Variants in PALM2AKAP2 observed in about 807,000 individuals in gnomAD.
PALM2AKAP2 encodes the protein PALM2-AKAP2 fusion protein.
In PALM2AKAP2, 37 loss-of-function variants were observed where a neutral mutation model predicts 71.5. The ratio of observed to expected loss-of-function variants is 0.52; its 90% confidence interval spans 0.40 to 0.68. The LOEUF is 0.68. PALM2AKAP2 is among the 30% of genes least tolerant of loss of function. The probability of loss-of-function intolerance (pLI) is 0.00; values close to 1 mark genes in which losing one functional copy is unlikely to be tolerated. For synonymous variants in PALM2AKAP2, 468 were observed against 478.8 expected, an observed-to-expected ratio of 0.98 and a Z score of 0.29; for missense variants, 1,224 against 1,191.8, an observed-to-expected ratio of 1.03 and a Z score of -0.40.
intron 1 of PALM2AKAP2, among the ~76,000 whole-genome samples, chr9:109,756,338 A>G (rs1828963423): frequency 6.6e-6 from 1 of 152,162 alleles, no homozygotes; most frequent in African/African-American, 2.4e-5. Flanking sequence ...TTGTATGTGA[A>G]TGTGTGATTG....
chr9:109,999,158 G>A (rs557082946), intron 6 of PALM2AKAP2, among the ~76,000 whole-genome samples: 1 of 152,088 alleles, frequency 6.6e-6, no homozygotes, highest in African/African-American at 2.4e-5. Context: ...GGCCAACAAG[G>A]CGAAATCCCG....
intron 1 of PALM2AKAP2, among the ~76,000 whole-genome samples, chr9:109,825,851 A>G (rs925272812): frequency 2.6e-5 from 4 of 152,226 alleles, no homozygotes; most frequent in African/African-American, 4.8e-5. Context: ...TGACCCAGCC[A>G]TCCCATTACT....
rs754971268 is a variant in PALM2AKAP2, at chr9:109,896,703, C to T, written c.257+16022C>T. Among the ~76,000 whole-genome samples the T allele has an allele frequency of 4.0e-5, 6 of 151,882 alleles. No homozygotes were observed. In the East Asian group the frequency reaches 5.8e-4, roughly 15 times the overall value. ...GTACATGCCTGTCGTCCCAGCTACT[C>T]GGGAGGCTGAGGCGGGAGGATCACT... On this transcript the variant is annotated intron_variant, in intron 3 of 9. Transcript: ENST00000302798.
chr9:109,816,295 A>G (rs1827850315), intron 1 of PALM2AKAP2, among the ~76,000 whole-genome samples: 1 of 152,230 alleles, frequency 6.6e-6, no homozygotes, highest in South Asian at 2.1e-4. Context: ...TGTTGAGGAT[A>G]TAGGAAGACA....
intron 7 of PALM2AKAP2, among the ~76,000 whole-genome samples, chr9:110,029,206 G>C (rs1037072086): frequency 6.6e-6 from 1 of 152,140 alleles, no homozygotes; most frequent in Non-Finnish European, 1.5e-5. Flanking sequence ...TTGAACAACA[G>C]CAACAACAAA....
intron 1 of PALM2AKAP2, among the ~76,000 whole-genome samples, chr9:109,748,310 G>T (rs1564133344): frequency 6.6e-6 from 1 of 152,098 alleles, no homozygotes; most frequent in East Asian, 1.9e-4. Flanking sequence ...TGCAGTTGAG[G>T]GTACATGAAC....
chr9:110,061,016 CT>C (rs1362380435), intron 1 of PALM2AKAP2, among the ~76,000 whole-genome samples: 1 of 152,102 alleles, frequency 6.6e-6, no homozygotes, highest in East Asian at 1.9e-4. Context: ...CCTTAGAGAC[CT>C]TTGTCCCGTT....
At chr9:109,888,196 C>T (rs965036987) in intron 3 of PALM2AKAP2, among the ~76,000 whole-genome samples, 5 of 152,236 alleles carry the variant, frequency 3.3e-5, no homozygotes, top group East Asian at 1.9e-4. Flanking sequence ...GCATAGCAAA[C>T]TCACTAGAAA....
chr9:110,056,245 A>G (rs1833837800), intron 1 of PALM2AKAP2, among the ~76,000 whole-genome samples: 1 of 152,224 alleles, frequency 6.6e-6, no homozygotes, highest in Non-Finnish European at 1.5e-5. Flanking sequence ...CCCGCCTCCC[A>G]GTGCAGCTGA....
chr9:109,910,197 A>G (rs1830537749), intron 3 of PALM2AKAP2, among the ~76,000 whole-genome samples: 1 of 152,224 alleles, frequency 6.6e-6, no homozygotes, highest in Non-Finnish European at 1.5e-5. Flanking sequence ...GGTGAAGACA[A>G]CATCTAGGTT....
In PALM2AKAP2 at chr9:110,024,434, G is replaced by T. The variant is rs1833135787; in HGVS notation, c.582+8395G>T. On this transcript the variant is annotated intron_variant, in intron 7 of 9. Coordinates refer to the PALM2AKAP2 transcript ENST00000302798. The stretch of plus-strand genomic sequence containing the variant: ...TTTTTTTTTGAGGTTTATCCACATT[G>T]TAGCCTCAATCACTATCCCTTTCAC... 2.6e-5 allele frequency among the ~76,000 whole-genome samples: 4 copies of T among 151,202 alleles called. No homozygotes were observed. In the South Asian group the frequency reaches 8.3e-4, roughly 31 times the overall value.
chr9:109,895,256 G>A (rs192615277), intron 3 of PALM2AKAP2, among the ~76,000 whole-genome samples: 37 of 152,314 alleles, frequency 2.4e-4, no homozygotes, highest in Admixed American at 1.2e-3. Context: ...ATGACTTTGC[G>A]GGGGCAGCTC....
chr9:109,730,205 C>T (rs7038221), intron 1 of PALM2AKAP2, among the ~76,000 whole-genome samples: 6,404 of 152,236 alleles, frequency 0.042, 276 homozygotes, highest in African/African-American at 0.11. Context: ...GGATTTCAAG[C>T]TTCTAGTAAT....
chr9:109,748,812 T>C (rs1268938077), intron 1 of PALM2AKAP2, among the ~76,000 whole-genome samples: 2 of 152,144 alleles, frequency 1.3e-5, no homozygotes, highest in African/African-American at 4.8e-5. Flanking sequence ...TTGGCAGGAT[T>C]AGTTTCTTCT....
intron 1 of PALM2AKAP2, among the ~76,000 whole-genome samples, chr9:110,049,452 T>G (rs1258311078): frequency 1.3e-5 from 2 of 152,142 alleles, no homozygotes; most frequent in Non-Finnish European, 2.9e-5. Flanking sequence ...CAGGAGATGA[T>G]GCAGGAGGAG....
chr9:110,161,763 C>T lies in PALM2AKAP2; in HGVS notation c.2748+5266C>T, dbSNP rs371619439. 2.0e-4 allele frequency among the ~76,000 whole-genome samples: 31 copies of T among 152,234 alleles called. No individual in the cohort carries two copies. The East Asian group carries it at 2.5e-3, about 12-fold the overall frequency. On this transcript the variant is annotated intron_variant, in intron 3 of 3. Transcript: ENST00000374525. ...CTAGCAAATCCAAAATGGCCCCCAA[C>T]GACCTTGCTGGTGGGCAGCTGATTG...
intron 1 of PALM2AKAP2, among the ~76,000 whole-genome samples, chr9:109,844,375 A>G (rs10980082): frequency 0.14 from 20,752 of 152,248 alleles, 1,647 homozygotes; most frequent in East Asian, 0.39. Flanking sequence ...AAATACCCCA[A>G]ATGCAATGCA....
intron 1 of PALM2AKAP2, among the ~76,000 whole-genome samples, chr9:109,828,390 G>T (rs1828211895): frequency 1.3e-5 from 2 of 152,192 alleles, no homozygotes; most frequent in African/African-American, 4.8e-5. Flanking sequence ...GTGGGCATGT[G>T]TGTCTTCTCA....
chr9:110,061,431 T>G (rs926078606), intron 1 of PALM2AKAP2, among the ~76,000 whole-genome samples: 1 of 151,984 alleles, frequency 6.6e-6, no homozygotes. Context: ...CTATACATTT[T>G]TATGTGTTTT....
Sources: gnomAD v4.1 joint callset for allele counts (sites outside exome capture counted in the v4.1 genomes callset) on GRCh38, gnomAD v4.1.1 for gene constraint, MANE v1.5 for transcripts, NCBI Gene and HGNC (gene_info 2026-07-23, HGNC 2026-07-21) for gene names.